ZNF438: variants seen among roughly 807,000 people sequenced by gnomAD.
ZNF438 encodes the protein zinc finger protein 438.
ZNF438 carries 25 observed loss-of-function variants against 38.0 expected under a neutral mutation model. That is an observed-to-expected ratio of 0.66 (90% confidence interval 0.48 to 0.92). The LOEUF (loss-of-function observed/expected upper bound fraction) is 0.92. Among genes scored for constraint, ZNF438 ranks in the 40% least tolerant of loss-of-function variants. The pLI is 0.00. For synonymous variants in ZNF438, 372 were observed against 364.1 expected (o/e 1.02, Z -0.25); for missense variants, 1,007 against 999.6 (o/e 1.01, Z -0.10).
At position 31,013,422 on chromosome 10, in the gene ZNF438, T is replaced by G. The variant is rs540257984; in HGVS notation, c.-192+18411A>C. On this transcript the variant is annotated intron_variant, in intron 1 of 5. Coordinates refer to ENST00000413025, the Ensembl canonical transcript of ZNF438. ...TGCTGCCATCAATCCTCTCTCAGGC[T>G]CTCTGATGTCCCACAGATTCAATTC... 2.0e-5 allele frequency among the ~76,000 whole-genome samples: 3 copies of G among 152,196 alleles called. No individual in the cohort carries two copies. In the East Asian group the frequency reaches 5.8e-4, roughly 29 times the overall value.
At chr10:30,981,266 C>T (rs1589556228) in intron 1 of ZNF438, among the ~76,000 whole-genome samples, 1 of 152,204 alleles carries the variant, frequency 6.6e-6, no homozygotes, top group African/African-American at 2.4e-5. Flanking sequence ...CAAGTCCTTA[C>T]TCCAGGCTGC....
At chr10:30,886,957 G>T (rs745932757) in intron 3 of ZNF438, among the ~76,000 whole-genome samples, 5 of 152,102 alleles carry the variant, frequency 3.3e-5, no homozygotes, top group Non-Finnish European at 5.9e-5. Flanking sequence ...ATGATGATTT[G>T]ACATCTTAGA....
chr10:30,875,736 C>A (rs1384267946), intron 4 of ZNF438, among the ~76,000 whole-genome samples: 1 of 152,196 alleles, frequency 6.6e-6, no homozygotes, highest in African/African-American at 2.4e-5. Flanking sequence ...GGATCAACTC[C>A]TGGGTAAGAA....
intron 2 of ZNF438, among the ~76,000 whole-genome samples, chr10:30,911,872 A>G (rs2043114789): frequency 6.6e-6 from 1 of 151,878 alleles, no homozygotes; most frequent in Non-Finnish European, 1.5e-5. Flanking sequence ...AGTCCTTCCT[A>G]CTCTGGACTT....
At chr10:30,906,587 G>C (rs2042608052) in intron 3 of ZNF438, among the ~76,000 whole-genome samples, 1 of 152,134 alleles carries the variant, frequency 6.6e-6, no homozygotes, top group Non-Finnish European at 1.5e-5. Flanking sequence ...GTCCTGCTTA[G>C]AACCTCCAGT....
chr10:30,896,474 A>G (rs1231928135), intron 3 of ZNF438, among the ~76,000 whole-genome samples: 1 of 152,210 alleles, frequency 6.6e-6, no homozygotes, highest in Non-Finnish European at 1.5e-5. Flanking sequence ...ATTCAACTTT[A>G]AAAAGAAAGG....
intron 4 of ZNF438, among the ~76,000 whole-genome samples, chr10:30,860,854 C>T (rs886257136): frequency 2.0e-4 from 30 of 152,118 alleles, no homozygotes; most frequent in Non-Finnish European, 3.8e-4. Context: ...AAGCAACTAC[C>T]CTAGTAGTTG....
rs375835778 is a variant in ZNF438, at chr10:30,960,620, G to C, written c.-191-18969C>G. Among the ~76,000 whole-genome samples the C allele has an allele frequency of 3.4e-5, 5 of 146,676 alleles. No homozygotes were observed. In the East Asian group the frequency reaches 9.6e-4, roughly 28 times the overall value. On this transcript the variant is annotated intron_variant, in intron 1 of 5. Transcript: ENST00000413025. ...TCAATTCCTCTCCATTGATTTATAT[G>C]CTTATCCTATGCCACGGCCACGTTG...
At chr10:31,002,715 T>A (rs948063101) in intron 1 of ZNF438, among the ~76,000 whole-genome samples, 3 of 152,198 alleles carry the variant, frequency 2.0e-5, no homozygotes, top group African/African-American at 7.2e-5. Flanking sequence ...CTTAATTCAT[T>A]TTAATTCAGG....
At chr10:30,933,205 C>G (rs1222383481) in intron 2 of ZNF438, among the ~76,000 whole-genome samples, 3 of 152,142 alleles carry the variant, frequency 2.0e-5, no homozygotes, top group Admixed American at 2.0e-4. Context: ...AAACCTTCCT[C>G]TAAATTCTGT....
intron 1 of ZNF438, among the ~76,000 whole-genome samples, chr10:30,952,132 C>G (rs867339694): frequency 0.067 from 9,979 of 148,286 alleles, 426 homozygotes; most frequent in Non-Finnish European, 0.094. Context: ...ACAAACCTGA[C>G]AAAAACAAGC....
chr10:30,899,984 C>T (rs139326091), intron 3 of ZNF438, among the ~76,000 whole-genome samples: 15 of 152,298 alleles, frequency 9.8e-5, no homozygotes, highest in African/African-American at 3.6e-4. Flanking sequence ...CTCTAATCGA[C>T]ATAACTGATA....
intron 2 of ZNF438, among the ~76,000 whole-genome samples, chr10:30,930,803 C>CAAAAAAACAAAAAA (rs2045578182): frequency 2.6e-5 from 1 of 38,434 alleles, no homozygotes; most frequent in Non-Finnish European, 4.9e-5. Context: ...GAAACTCAGT[C>CAAAAAAACAAAAAA]AAAAAAAAAA....
chr10:31,008,246 A>G (rs1388596260), intron 1 of ZNF438, among the ~76,000 whole-genome samples: 1 of 152,140 alleles, frequency 6.6e-6, no homozygotes, highest in East Asian at 1.9e-4. Flanking sequence ...CTCAAAGTAT[A>G]TTCCCACATA....
chr10:31,014,244 C>A (rs374534661), intron 1 of ZNF438, among the ~76,000 whole-genome samples: 82 of 152,262 alleles, frequency 5.4e-4, no homozygotes, highest in Middle Eastern at 3.4e-3. Flanking sequence ...TGAGCTACCA[C>A]AACAACAGAA....
At chr10:30,875,465 T>C in intron 4 of ZNF438, 1 of 984,002 alleles carries the variant, frequency 1.0e-6, no homozygotes, top group Non-Finnish European at 1.2e-6. Flanking sequence ...CCAGCTTTCC[T>C]GATACTTGTT....
intron 1 of ZNF438, among the ~76,000 whole-genome samples, chr10:31,008,897 G>A (rs1033788281): frequency 1.2e-4 from 18 of 152,250 alleles, no homozygotes; most frequent in African/African-American, 3.9e-4. Flanking sequence ...TGTATGGAGC[G>A]TCCAATTACT....
chr10:31,006,461 T>C (rs1433430951), intron 1 of ZNF438, among the ~76,000 whole-genome samples: 2 of 152,178 alleles, frequency 1.3e-5, no homozygotes, highest in South Asian at 2.1e-4. Flanking sequence ...AGGGAGTTCC[T>C]TGCCCCTTCC....
chr10:30,925,726 G>T (rs1302104925), intron 2 of ZNF438, among the ~76,000 whole-genome samples: 1 of 152,166 alleles, frequency 6.6e-6, no homozygotes, highest in Non-Finnish European at 1.5e-5. Flanking sequence ...TTCCTCAGAA[G>T]CAGCAGGTAA....
Sources: allele counts gnomAD v4.1 joint callset (sites outside exome capture counted in the v4.1 genomes callset), GRCh38; gene constraint gnomAD v4.1.1; transcripts MANE v1.5; gene names NCBI Gene and HGNC (gene_info 2026-07-23, HGNC 2026-07-21).